The following APBB3 variants were observed in gnomAD, a reference collection of about 807,000 sequenced individuals.
APBB3 encodes amyloid-beta A4 precursor protein-binding family B member 3.
In APBB3, 50 loss-of-function variants were observed where a neutral mutation model predicts 61.5. The ratio of observed to expected loss-of-function variants is 0.81; its 90% CI spans 0.65 to 1.03. The LOEUF (loss-of-function observed/expected upper bound fraction) is 1.03, where lower values mean the gene tolerates loss of function less well. Ranked by LOEUF, APBB3 falls within the 50% of genes least tolerant of loss-of-function variation. APBB3 has a pLI of 0.00. For synonymous variants in APBB3, 235 were observed against 233.0 expected, an observed-to-expected ratio of 1.01 and a Z score of -0.08; for missense variants, 550 against 637.4, an observed-to-expected ratio of 0.86 and a Z score of 1.48.
chr5:140,560,987 GC>G lies in APBB3; in HGVS notation c.916+30del, dbSNP rs772540758. 2 of 1,605,706 alleles carry G rather than the reference GC, an allele frequency of 1.2e-6. No individual in the cohort carries two copies. Among genetic ancestry groups the G allele is most frequent in the Non-Finnish European group, 1.7e-6 (2 of 1,177,410 alleles). On this transcript the variant is annotated intron_variant, in intron 10 of 12. Coordinates refer to ENST00000357560, the MANE Select transcript of APBB3 (RefSeq NM_133173.3). This position sits in a 1 kb window ranked among gnomAD's most constrained non-coding sequence, Gnocchi z 5.1. ...ACTCACCTTCCCCTTGCCTCACACA[GC>G]CCACCACATGCAGCCCCCTCAGTCC...
chr5:140,564,252 G>T lies in APBB3; in HGVS notation c.-7C>A, dbSNP rs763741226. On this transcript the variant is annotated 5_prime_UTR_variant, in exon 1 of 13. Coordinates refer to ENST00000357560, the MANE Select transcript of APBB3 (RefSeq NM_133173.3). This position sits in a 1 kb window ranked among gnomAD's most constrained non-coding sequence, Gnocchi z 5.0. ...TGTAATCCTTGCCCAGCATAACCCC[G>T]GCTGCTCCCCGCCAGCCTCTGCCGG... is the stretch of plus-strand genomic sequence containing the variant. 24 of 1,609,408 alleles carry T rather than the reference G, an allele frequency of 1.5e-5. No individual in the cohort carries two copies. The highest frequency in any genetic ancestry group is 1.9e-5 in the Non-Finnish European group (22 of 1,179,966).
chr5:140,561,747 A>G, intron 7 of APBB3, 46 bp from the exon 8 acceptor site: 1 of 1,614,078 alleles, frequency 6.2e-7, no homozygotes, highest in Non-Finnish European at 8.5e-7. Context: ...GGTTAGAGGC[A>G]GGAGCCTGCA....
In APBB3 at chr5:140,562,566, T is replaced by C. The variant is rs551686118; in HGVS notation, c.352-67A>G. On this transcript the variant is annotated intron_variant, in intron 4 of 12. Transcript: ENST00000357560. The stretch of plus-strand genomic sequence containing the variant: ...GTAGGGTGGCAGGTGCCACAATACA[T>C]ACTCCCTGTCTTCACCCTTGATCAC... 92 of 1,609,228 alleles carry C rather than the reference T, an allele frequency of 5.7e-5. No homozygotes were observed. In the African/African-American group the frequency reaches 1.2e-3, roughly 20 times the overall value.
At chr5:140,563,943 G>A (rs1561875912) in intron 1 of APBB3, 28 bp from the exon 2 acceptor site, 1 of 1,607,812 alleles carries the variant, frequency 6.2e-7, no homozygotes, top group Non-Finnish European at 8.5e-7. Flanking sequence ...TAGAGAGGAG[G>A]GAGCATATGA....
At position 140,564,053 on chromosome 5, in the gene APBB3, T is replaced by G. The variant is rs769144687; in HGVS notation, c.50-138A>C. 1.4e-6 allele frequency: 2 copies of G among 1,464,424 alleles called. No individual in the cohort carries two copies. The highest frequency in any genetic ancestry group is 4.8e-5 in the East Asian group (2 of 41,890). The allele number at this position is 1,464,424 out of a possible 1,614,324, so 90.7% of individuals were successfully genotyped here. ...TCCAGGCTCCTCAATCTTGAAGACATCACATGTAAAGACCGGGTTCATTCG... is the reference window on the plus strand; with the variant it reads ...TCCAGGCTCCTCAATCTTGAAGACAGCACATGTAAAGACCGGGTTCATTCG... On this transcript the variant is annotated intron_variant, in intron 1 of 12. Coordinates refer to ENST00000357560, the MANE Select transcript of APBB3 (RefSeq NM_133173.3). This position sits in a 1 kb window ranked among gnomAD's most constrained non-coding sequence, Gnocchi z 5.0.
At position 140,563,028 on chromosome 5, in the gene APBB3, T is replaced by G. The variant is rs555631935; in HGVS notation, c.291-305A>C. ...TTGGGAGGCTGAGACGGGTGGATCA[T>G]GAGGTCAGGATATCGAGACCATCCT... On this transcript the variant is annotated intron_variant, in intron 3 of 12. Transcript: ENST00000357560. The G allele has an allele frequency of 9.4e-5, 36 of 384,066 alleles. No individual in the cohort carries two copies. The East Asian group carries it at 2.0e-3, about 21-fold the overall frequency. 23.8% of individuals were successfully genotyped at this position (384,066 alleles called of 1,614,324 possible).
chr5:140,563,690 C>T lies in APBB3; in HGVS notation c.214-20G>A. 6.2e-7 allele frequency: 1 copy of T among 1,614,030 alleles called. No homozygotes were observed. On this transcript the variant is annotated intron_variant, in intron 2 of 12. Transcript: ENST00000357560. The stretch of plus-strand genomic sequence containing the variant: ...CGTTCCCTGTAGAGTGGGAGTTAGT[C>T]AGTTTAACAGCAGACCTAGGTCCAC...
chr5:140,561,826 T>C lies in APBB3; in HGVS notation c.632+18A>G, dbSNP rs1437386126. On this transcript the variant is annotated intron_variant, in intron 7 of 12. Coordinates refer to ENST00000357560, the MANE Select transcript of APBB3 (RefSeq NM_133173.3). ...GGGACATCAGGGATGGGGCTCAGGA[T>C]ACCTGGTTTTCACTCACCTGTCACT... 2.5e-6 allele frequency: 4 copies of C among 1,613,800 alleles called. No individual in the cohort carries two copies. The highest frequency in any genetic ancestry group is 3.4e-6 in the Non-Finnish European group (4 of 1,179,994).
Position 140,560,899 on chromosome 5 carries a change from T to C in APBB3, c.916+119A>G. On this transcript the variant is annotated intron_variant, in intron 10 of 12. Coordinates refer to ENST00000357560, the MANE Select transcript of APBB3 (RefSeq NM_133173.3). The surrounding 1 kb of genome is among the most constrained non-coding windows in gnomAD (Gnocchi z 5.1). The stretch of plus-strand genomic sequence containing the variant: ...TAGAATTCTGATTTGGGAAGGCTGG[T>C]AGACCCCAGGCCATAACAAGGCCAC... The C allele has an allele frequency of 7.2e-7, 1 of 1,383,684 alleles. No individual in the cohort carries two copies. Among genetic ancestry groups the C allele is most frequent in the South Asian group, 1.2e-5 (1 of 81,512 alleles). The allele number at this position is 1,383,684 out of a possible 1,614,324, so 85.7% of individuals were successfully genotyped here.
At chr5:140,561,910 A>T in intron 6 of APBB3, 61 bp from the exon 7 acceptor site, 1 of 1,613,128 alleles carries the variant, frequency 6.2e-7, no homozygotes, top group Non-Finnish European at 8.5e-7. Context: ...GACTCTCCCC[A>T]AACTGTCCCT....
Position 140,558,837 on chromosome 5 carries a change from A to G in APBB3, c.1225-16T>C. 6.2e-7 allele frequency: 1 copy of G among 1,608,146 alleles called. No homozygotes were observed. Among genetic ancestry groups the G allele is most frequent in the Non-Finnish European group, 8.5e-7 (1 of 1,176,582 alleles). On this transcript the variant is annotated splice_polypyrimidine_tract_variant and intron_variant, in intron 12 of 12. Coordinates refer to ENST00000357560, the MANE Select transcript of APBB3 (RefSeq NM_133173.3). ...GGTACTGAACCTAGGGAGAAGGGGAATGTGAGGATCCAGCTACTTTCTGCC... is the reference window on the plus strand; with the variant it reads ...GGTACTGAACCTAGGGAGAAGGGGAGTGTGAGGATCCAGCTACTTTCTGCC...
intron 8 of APBB3, 30 bp from the exon 9 acceptor site, chr5:140,561,479 C>G (rs1754951462): frequency 4.3e-6 from 7 of 1,613,984 alleles, no homozygotes; most frequent in Admixed American, 1.7e-5. Flanking sequence ...GCATGACCCA[C>G]AGGGAGAGAG....
In APBB3 at chr5:140,560,803, C is replaced by A; in HGVS notation, c.917-49G>T. On this transcript the variant is annotated intron_variant, in intron 10 of 12. Coordinates refer to ENST00000357560, the MANE Select transcript of APBB3 (RefSeq NM_133173.3). The surrounding 1 kb of genome is among the most constrained non-coding windows in gnomAD (Gnocchi z 5.1). ...CTCCCAGTGTAAAAGAAAGAGTCTG[C>A]AGGGAGTGTCTAGCCCCCTCTCACT... 1 of 1,547,750 alleles carries A rather than the reference C, an allele frequency of 6.5e-7. No individual in the cohort carries two copies. Among genetic ancestry groups the A allele is most frequent in the Middle Eastern group, 1.7e-4 (1 of 5,942 alleles).
rs1431088693 is a variant in APBB3, at chr5:140,564,182, C to A, written c.49+15G>T. The A allele has an allele frequency of 6.2e-7, 1 of 1,614,030 alleles. No individual in the cohort carries two copies. The highest frequency in any genetic ancestry group is 8.5e-7 in the Non-Finnish European group (1 of 1,180,014). Reference sequence around the variant, plus strand: ...CTCAGCTCCTGGTCTTCCCACCGGGCCCCTCCGTGCACACCATCGCAGTTG... The same window carrying A: ...CTCAGCTCCTGGTCTTCCCACCGGGACCCTCCGTGCACACCATCGCAGTTG... On this transcript the variant is annotated intron_variant, in intron 1 of 12. Coordinates refer to ENST00000357560, the MANE Select transcript of APBB3 (RefSeq NM_133173.3). This position sits in a 1 kb window ranked among gnomAD's most constrained non-coding sequence, Gnocchi z 5.0.
Position 140,564,326 on chromosome 5 carries a change from C to T in APBB3, c.-81G>A, listed in dbSNP as rs556738570. On this transcript the variant is annotated 5_prime_UTR_variant, in exon 1 of 13. Coordinates refer to ENST00000357560, the MANE Select transcript of APBB3 (RefSeq NM_133173.3). The surrounding 1 kb of genome is among the most constrained non-coding windows in gnomAD (Gnocchi z 5.0). ...CCTCTGGAGCTACTGCGCCTGCAAGCCCAGCCTCTCTGCGCCGCAGGCTGC... is the reference window on the plus strand; with the variant it reads ...CCTCTGGAGCTACTGCGCCTGCAAGTCCAGCCTCTCTGCGCCGCAGGCTGC... 1 of 1,542,808 alleles carries T rather than the reference C, an allele frequency of 6.5e-7. No individual in the cohort carries two copies. Among genetic ancestry groups the T allele is most frequent in the Non-Finnish European group, 8.8e-7 (1 of 1,133,360 alleles).
In APBB3 at chr5:140,562,539, G is replaced by T. The variant is rs1323535568; in HGVS notation, c.352-40C>A. 2.5e-6 allele frequency: 4 copies of T among 1,612,134 alleles called. No homozygotes were observed. The African/African-American group carries it at 5.3e-5, about 22-fold the overall frequency. On this transcript the variant is annotated intron_variant, in intron 4 of 12. Coordinates refer to ENST00000357560, the MANE Select transcript of APBB3 (RefSeq NM_133173.3). ...GAAGGGACAGGAATTAATAAGGATGGAGTAGGGTGGCAGGTGCCACAATAC... is the reference window on the plus strand; with the variant it reads ...GAAGGGACAGGAATTAATAAGGATGTAGTAGGGTGGCAGGTGCCACAATAC...
rs148778343 is a variant in APBB3, at chr5:140,560,429, C to T, written c.1108G>A (p.Asp370Asn). 44 of 1,614,084 alleles carry T rather than the reference C, an allele frequency of 2.7e-5. No individual in the cohort carries two copies. The highest frequency in any genetic ancestry group is 3.6e-5 in the Non-Finnish European group (43 of 1,180,056). ...RLVTFIGVGR[D>N]PHTFGLIADL... is the part of the protein sequence containing the mutation. ...GCGATGAGGCCAAAGGTGTGTGGGT[C>T]GCGGCCAACACCAATAAATGTCACA... The change falls in exon 12 of 13, where the codon GAC (aspartate) becomes AAC (asparagine). Residue 370 changes from aspartate (D) to asparagine (N), a missense_variant. Around this residue, in one of 3 missense-constraint regions of APBB3, gnomAD observed 405 missense variants for 483.4 expected, o/e 0.84. Coordinates refer to ENST00000357560, the MANE Select transcript of APBB3 (RefSeq NM_133173.3). The surrounding 1 kb of genome is among the most constrained non-coding windows in gnomAD (Gnocchi z 5.1).
chr5:140,563,674 T>C lies in APBB3; in HGVS notation c.214-4A>G, dbSNP rs1249861116. On this transcript the variant is annotated splice_region_variant and splice_polypyrimidine_tract_variant and intron_variant, in intron 2 of 12. Coordinates refer to ENST00000357560, the MANE Select transcript of APBB3 (RefSeq NM_133173.3). ...GTCCCCAGATCCCCTCCGTTCCCTG[T>C]AGAGTGGGAGTTAGTCAGTTTAACA... 4 of 1,614,172 alleles carry C rather than the reference T, an allele frequency of 2.5e-6. No individual in the cohort carries two copies. Among genetic ancestry groups the C allele is most frequent in the South Asian group, 2.2e-5 (2 of 91,080 alleles).
At chr5:140,558,984 A>C (rs543409719) in intron 12 of APBB3, among the ~76,000 whole-genome samples, 163 bp from the exon 13 acceptor site, 1 of 152,298 alleles carries the variant, frequency 6.6e-6, no homozygotes, top group African/African-American at 2.4e-5. Flanking sequence ...CAATAACAAA[A>C]TCATAAAACA....
Sources: allele counts gnomAD v4.1 joint callset (sites outside exome capture counted in the v4.1 genomes callset), GRCh38; gene constraint gnomAD v4.1.1; regional missense constraint gnomAD v4.1.1; non-coding constraint Gnocchi (gnomAD v3.1); transcripts MANE v1.5; gene names NCBI Gene and HGNC (gene_info 2026-07-23, HGNC 2026-07-21).